MS4A13: variants seen among roughly 807,000 people sequenced by gnomAD.
MS4A13 encodes membrane-spanning 4-domains subfamily A member 13.
A neutral mutation model predicts 18.4 loss-of-function variants in MS4A13; 21 were observed. The ratio of observed to expected loss-of-function variants is 1.14; its 90% confidence interval spans 0.81 to 1.64. The LOEUF (loss-of-function observed/expected upper bound fraction) is 1.64, where lower values mean the gene tolerates loss of function less well. Ranked by LOEUF, MS4A13 falls within the 40% of genes most tolerant of loss-of-function variation. The probability of loss-of-function intolerance (pLI) is 0.00; values close to 1 mark genes in which losing one functional copy is unlikely to be tolerated. For missense variants in MS4A13, 173 were observed against 176.8 expected, an observed-to-expected ratio of 0.98 and a Z score of 0.12; for synonymous variants, 62 against 57.2, an observed-to-expected ratio of 1.08 and a Z score of -0.38.
In MS4A13 at chr11:60,516,100, GACTA is replaced by G. The variant is rs982934676; in HGVS notation, c.-13+22_-13+25del. ...CGTTTTAGGGGTAAGATTTCACTTT[GACTA>G]ACTAAATTTAAGATCATGAACTATT... is the stretch of plus-strand genomic sequence containing the variant. On this transcript the variant is annotated intron_variant, in intron 2 of 6. Coordinates refer to ENST00000378186, the MANE Select transcript of MS4A13 (RefSeq NM_001012417.3). The G allele has an allele frequency of 1.3e-5, 2 of 152,034 alleles. No homozygotes were observed. The highest frequency in any genetic ancestry group is 2.4e-5 in the African/African-American group (1 of 41,378). 9.4% of individuals were successfully genotyped at this position (152,034 alleles called of 1,614,324 possible).
intron 5 of MS4A13, among the ~76,000 whole-genome samples, chr11:60,527,410 C>CTGTGTGTGTGTGTG (rs1224398821): frequency 0.03 from 850 of 28,772 alleles, 52 homozygotes; most frequent in East Asian, 0.084. Flanking sequence ...CTCTCTCTCT[C>CTGTGTGTGTGTGTG]TGTGTGTGTG....
intron 6 of MS4A13, among the ~76,000 whole-genome samples, chr11:60,539,085 C>A: frequency 7.1e-6 from 1 of 141,396 alleles, no homozygotes; most frequent in Non-Finnish European, 1.5e-5. Context: ...CCCAGGACAG[C>A]CAACAACTTG....
chr11:60,524,953 C>T (rs2086703435), intron 4 of MS4A13, among the ~76,000 whole-genome samples: 1 of 152,142 alleles, frequency 6.6e-6, no homozygotes, highest in African/African-American at 2.4e-5. Flanking sequence ...AGCCACTGCG[C>T]CCGGCCCCAA....
chr11:60,523,171 T>C (rs2086689256), intron 3 of MS4A13, among the ~76,000 whole-genome samples: 1 of 152,216 alleles, frequency 6.6e-6, no homozygotes, highest in Admixed American at 6.5e-5. Flanking sequence ...CATGGGAAGT[T>C]TGTAAGCTTC....
At chr11:60,515,813 T>C (rs905168179) in intron 1 of MS4A13, 156 bp from the exon 2 acceptor site, 1 of 152,214 alleles carries the variant, frequency 6.6e-6, no homozygotes, top group African/African-American at 2.4e-5. Flanking sequence ...AACAGATGGA[T>C]GAAAGTTGAT....
intron 2 of MS4A13, among the ~76,000 whole-genome samples, chr11:60,517,170 A>C (rs2135245372): frequency 6.8e-6 from 1 of 148,110 alleles, no homozygotes; most frequent in East Asian, 2.0e-4. Flanking sequence ...GTTACCAAAA[A>C]AGAGACTTTT....
chr11:60,517,581 G>GA (rs966945441), intron 2 of MS4A13, among the ~76,000 whole-genome samples: 3 of 151,910 alleles, frequency 2.0e-5, no homozygotes, highest in Non-Finnish European at 2.9e-5. Flanking sequence ...GCATACTTGT[G>GA]AAAAAAATCA....
chr11:60,518,395 T>C (rs2086652234), intron 3 of MS4A13, among the ~76,000 whole-genome samples, 183 bp downstream of exon 3: 1 of 152,164 alleles, frequency 6.6e-6, no homozygotes, highest in South Asian at 2.1e-4. Flanking sequence ...CACCTTTAAT[T>C]TACAAGTGCT....
chr11:60,530,864 A>G (rs2086760614), intron 6 of MS4A13, among the ~76,000 whole-genome samples: 1 of 152,184 alleles, frequency 6.6e-6, no homozygotes, highest in South Asian at 2.1e-4. Context: ...ATAAGTGTTT[A>G]GCAAGTTCCT....
downstream of MS4A13, chr11:60,542,781 T>C (rs1040862154): frequency 7.2e-6 from 3 of 414,286 alleles, no homozygotes; most frequent in Non-Finnish European, 1.3e-5. Flanking sequence ...AAATATGAGA[T>C]TATTACAGGA....
chr11:60,526,643 C>G (rs577392440), intron 5 of MS4A13, among the ~76,000 whole-genome samples: 1 of 152,204 alleles, frequency 6.6e-6, no homozygotes, highest in Non-Finnish European at 1.5e-5. Context: ...AGTGTCATTA[C>G]AGAATTATAT....
At chr11:60,526,425 C>T (rs1442645562) in intron 5 of MS4A13, among the ~76,000 whole-genome samples, 1 of 152,118 alleles carries the variant, frequency 6.6e-6, no homozygotes, top group Non-Finnish European at 1.5e-5. Context: ...TTTTAATTAT[C>T]AGTTTAATAT....
chr11:60,539,189 C>CAAA, intron 6 of MS4A13, among the ~76,000 whole-genome samples: 1 of 131,442 alleles, frequency 7.6e-6, no homozygotes, highest in Non-Finnish European at 1.6e-5. Context: ...AGTGTTGTTT[C>CAAA]AAAAAAAAAA....
rs182330713 is a variant in MS4A13 at position 60,523,945 on chromosome 11, C to G, written c.178C>G (p.Arg60Gly). The change falls in exon 4 of 7, where the codon CGA becomes GGA. Residue 60 changes from arginine (R) to glycine (G), a missense_variant. Arg to Gly is a moderately radical substitution (Grantham distance 125). Coordinates refer to ENST00000378186, the MANE Select transcript of MS4A13 (RefSeq NM_001012417.3). Reference sequence around the variant, plus strand: ...AATAAGAGTAACAAAGTATCCGACTCGATCTGGAGTAAGTTGAAATGTTTG... The same window carrying G: ...AATAAGAGTAACAAAGTATCCGACTGGATCTGGAGTAAGTTGAAATGTTTG... ...FLIRVTKYPT[R>G]SGIISTLIIN... 7 of 1,525,732 alleles carry G rather than the reference C, an allele frequency of 4.6e-6. No individual in the cohort carries two copies. The Admixed American group carries it at 5.1e-5, about 11-fold the overall frequency. 94.5% of individuals were successfully genotyped at this position (1,525,732 alleles called of 1,614,324 possible).
intron 3 of MS4A13, among the ~76,000 whole-genome samples, chr11:60,522,224 A>ATGTATATATATATATCTATATATG (rs749798433): frequency 2.9e-5 from 4 of 140,322 alleles, no homozygotes; most frequent in Non-Finnish European, 4.6e-5. Context: ...AGATAGATAG[A>ATGTATATATATATATCTATATATG]TAGATAGATA....
At chr11:60,518,267 A>G (rs551088819) in intron 3 of MS4A13, 55 bp downstream of exon 3, 1 of 1,433,682 alleles carries the variant, frequency 7.0e-7, no homozygotes, top group Non-Finnish European at 9.4e-7. Flanking sequence ...TATTCATGCC[A>G]ATAGTAGAAG....
Position 60,525,132 on chromosome 11 carries a change from T to G in MS4A13, c.187-75T>G, listed in dbSNP as rs540068312. ...GATCAAAGTTTTAACTAGATGAGTT[T>G]TTTCAGCAATGCAAACTATTACACC... On this transcript the variant is annotated intron_variant, in intron 4 of 6. Transcript: ENST00000378186. 20 of 1,134,344 alleles carry G rather than the reference T, an allele frequency of 1.8e-5. No homozygotes were observed. In the East Asian group the frequency reaches 5.1e-4, roughly 29 times the overall value. 70.3% of individuals were successfully genotyped at this position (1,134,344 alleles called of 1,614,324 possible). A position where few individuals can be genotyped will look rare whatever the true frequency, so the allele number is the denominator to read the frequency against.
downstream of MS4A13, among the ~76,000 whole-genome samples, chr11:60,543,087 C>A (rs558215638): frequency 6.6e-6 from 1 of 152,076 alleles, no homozygotes; most frequent in Non-Finnish European, 1.5e-5. Flanking sequence ...ATTTAAAGTT[C>A]CTTTCTGCCC....
intron 4 of MS4A13, 121 bp from the exon 5 acceptor site, chr11:60,525,086 C>T: frequency 1.5e-6 from 1 of 672,164 alleles, no homozygotes; most frequent in Non-Finnish European, 2.5e-6. Flanking sequence ...ATATTTAATA[C>T]TTCTAAGACT....
Sources: gnomAD v4.1 joint callset for allele counts (sites outside exome capture counted in the v4.1 genomes callset) on GRCh38, gnomAD v4.1.1 for gene constraint, MANE v1.5 for transcripts, NCBI Gene and HGNC (gene_info 2026-07-23, HGNC 2026-07-21) for gene names.